The following ADGRG6 variants were observed in gnomAD, a reference collection of about 807,000 sequenced individuals.
ADGRG6 encodes the protein G-protein coupled receptor 126.
In ADGRG6, 84 loss-of-function variants were observed where a neutral mutation model predicts 142.4. The ratio of observed to expected loss-of-function variants is 0.59; its 90% CI spans 0.49 to 0.71. The LOEUF is 0.71. Ranked by LOEUF, ADGRG6 falls within the 30% of genes least tolerant of loss-of-function variation. ADGRG6 has a pLI of 0.00. For missense variants in ADGRG6, 1,367 were observed against 1,466.6 expected (o/e 0.93, Z 1.11); for synonymous variants, 521 against 520.5 (o/e 1.00, Z -0.01).
Position 142,436,333 on chromosome 6 carries a change from A to G in ADGRG6, c.3320-1101A>G, listed in dbSNP as rs145981999. On this transcript the variant is annotated intron_variant, in intron 22 of 24. Transcript: ENST00000367609. ...AGCAAATTAGGAAGAAAACTGGGAG[A>G]AAATGACCTTGAGAATGAAGGGCTG... Among the ~76,000 whole-genome samples the G allele has an allele frequency of 3.9e-3, 594 of 152,286 alleles. 9 individuals are homozygous for G. The highest frequency in any genetic ancestry group is 0.014 in the African/African-American group (579 of 41,562).
intron 2 of ADGRG6, among the ~76,000 whole-genome samples, chr6:142,357,589 C>T (rs1780510496): frequency 6.6e-6 from 1 of 152,114 alleles, no homozygotes; most frequent in Non-Finnish European, 1.5e-5. Context: ...TGTGCACAAA[C>T]CTGAATGAGT....
At position 142,346,788 on chromosome 6, in the gene ADGRG6, C is replaced by A. The variant is rs138783293; in HGVS notation, c.104-20781C>A. On this transcript the variant is annotated intron_variant, in intron 2 of 24. Transcript: ENST00000367609. ...ACTAACACAGGAACAGAAAACCAAA[C>A]ACCACATGCTCTCACTCGTAAGTGG... 7.6e-3 allele frequency among the ~76,000 whole-genome samples: 1,150 copies of A among 151,208 alleles called. 13 individuals carry two copies. The highest frequency in any genetic ancestry group is 0.027 in the African/African-American group (1,096 of 41,112).
At position 142,443,537 on chromosome 6, in the gene ADGRG6, A is replaced by G. The variant is rs1286690628; in HGVS notation, c.*22A>G. 1 of 1,552,188 alleles carries G rather than the reference A, an allele frequency of 6.4e-7. No individual in the cohort carries two copies. ...TTAATGTCTTTAAGAAAAAGAAATC[A>G]ATCTGCAGAAATGTGAAGATTTGCA... is the stretch of plus-strand genomic sequence containing the variant. On this transcript the variant is annotated 3_prime_UTR_variant, in exon 25 of 25. Coordinates refer to ENST00000367609, the MANE Select transcript of ADGRG6 (RefSeq NM_198569.3).
intron 2 of ADGRG6, among the ~76,000 whole-genome samples, chr6:142,361,622 G>C (rs1289049168): frequency 6.6e-6 from 1 of 152,154 alleles, no homozygotes; most frequent in Non-Finnish European, 1.5e-5. Context: ...AATTTTGTAA[G>C]TTCTTATCAA....
chr6:142,440,995 A>C, intron 24 of ADGRG6: 1 of 1,039,504 alleles, frequency 9.6e-7, no homozygotes, highest in Non-Finnish European at 1.4e-6. Flanking sequence ...ATTTTTTGCA[A>C]GGTAATAAGA....
At chr6:142,365,760 A>G (rs888212882) in intron 2 of ADGRG6, among the ~76,000 whole-genome samples, 2 of 152,212 alleles carry the variant, frequency 1.3e-5, no homozygotes, top group African/African-American at 4.8e-5. Context: ...ACATTGAGTA[A>G]TACAAGGTGG....
rs192788432 is a variant in ADGRG6, at chr6:142,388,266, G to A, written c.1223-1992G>A. Among the ~76,000 whole-genome samples the A allele has an allele frequency of 3.7e-3, 564 of 152,236 alleles. 2 individuals are homozygous for A. The highest frequency in any genetic ancestry group is 5.7e-3 in the Non-Finnish European group (388 of 67,968). ...AAGTATAACAAGTGGACTGGGGCAG[G>A]AAACAATGTTTAAAGAAAACATCTT... On this transcript the variant is annotated intron_variant, in intron 6 of 24. Coordinates refer to ENST00000367609, the MANE Select transcript of ADGRG6 (RefSeq NM_198569.3).
In ADGRG6 at chr6:142,402,686, C is replaced by A; in HGVS notation, c.1811C>A (p.Ala604Asp). ...GCTGATGGGCAGAACTTAACCTCAGCCAATATTACCAACATTGTGGAACAG... is the reference window on the plus strand; with the variant it reads ...GCTGATGGGCAGAACTTAACCTCAGACAATATTACCAACATTGTGGAACAG... The part of the protein sequence containing the change: ...LTADGQNLTS[A>D]NITNIVEQVK... The change falls in exon 13 of 25, where the codon GCC becomes GAC. Residue 604 changes from alanine to aspartate, a missense_variant. Around this residue, in one of 3 missense-constraint regions of ADGRG6, gnomAD observed 737 missense variants for 746.5 expected, o/e 0.99. Coordinates refer to ENST00000367609, the MANE Select transcript of ADGRG6 (RefSeq NM_198569.3). 6.2e-7 allele frequency: 1 copy of A among 1,608,752 alleles called. No homozygotes were observed. Among genetic ancestry groups the A allele is most frequent in the Non-Finnish European group, 8.5e-7 (1 of 1,176,172 alleles).
chr6:142,361,218 G>A (rs1780697465), intron 2 of ADGRG6, among the ~76,000 whole-genome samples: 1 of 152,206 alleles, frequency 6.6e-6, no homozygotes, highest in East Asian at 1.9e-4. Flanking sequence ...ATCCTCTTGG[G>A]AGAAGTTGTA....
intron 2 of ADGRG6, among the ~76,000 whole-genome samples, chr6:142,314,971 AGTGTGTGT>A (rs58848776): frequency 5.7e-4 from 83 of 145,084 alleles, no homozygotes; most frequent in Admixed American, 2.0e-3. Context: ...CCAATCATGG[AGTGTGTGT>A]GTGTGTGTGT....
At chr6:142,440,863 T>G (rs1777724756) in intron 24 of ADGRG6, 1 of 958,870 alleles carries the variant, frequency 1.0e-6, no homozygotes, top group South Asian at 1.6e-5. Context: ...TCTAGCTGGT[T>G]CATTTCTTGG....
At position 142,381,944 on chromosome 6, in the gene ADGRG6, G is replaced by C. The variant is rs956534538; in HGVS notation, c.1070-7G>C. Reference sequence around the variant, plus strand: ...CAAACTTACATATTCTTTTTGTGTTGATCAAGGTTCCTACCTGATCCCGCT... The same window carrying C: ...CAAACTTACATATTCTTTTTGTGTTCATCAAGGTTCCTACCTGATCCCGCT... On this transcript the variant is annotated splice_polypyrimidine_tract_variant and splice_region_variant and intron_variant, in intron 4 of 24. Transcript: ENST00000367609. 1.3e-6 allele frequency: 2 copies of C among 1,565,642 alleles called. No individual in the cohort carries two copies. The highest frequency in any genetic ancestry group is 1.7e-5 in the Admixed American group (1 of 57,458).
intron 2 of ADGRG6, among the ~76,000 whole-genome samples, chr6:142,320,754 G>A (rs1778473476): frequency 1.3e-5 from 2 of 151,830 alleles, no homozygotes; most frequent in Non-Finnish European, 2.9e-5. Context: ...AATTAGCTTC[G>A]GTACTTGTAT....
At chr6:142,317,759 A>G (rs1297660298) in intron 2 of ADGRG6, among the ~76,000 whole-genome samples, 2 of 102,592 alleles carry the variant, frequency 1.9e-5, no homozygotes, top group Non-Finnish European at 3.6e-5. Context: ...TATTTATATT[A>G]TATATATTTA....
At chr6:142,318,141 A>T (rs1201630797) in intron 2 of ADGRG6, among the ~76,000 whole-genome samples, 4 of 38,620 alleles carry the variant, frequency 1.0e-4, no homozygotes, top group African/African-American at 3.3e-4. Context: ...ATATTTATAT[A>T]ATATATATTA....
intron 9 of ADGRG6, among the ~76,000 whole-genome samples, chr6:142,395,221 A>C (rs943699502): frequency 6.6e-6 from 1 of 152,100 alleles, no homozygotes; most frequent in African/African-American, 2.4e-5. Flanking sequence ...TTTTTTCTTT[A>C]TGATATGAAA....
rs1775916503 is a variant in ADGRG6, at chr6:142,408,286, A to G, written c.2388+17A>G. The G allele has an allele frequency of 6.5e-7, 1 of 1,542,930 alleles. No homozygotes were observed. Among genetic ancestry groups the G allele is most frequent in the Non-Finnish European group, 8.8e-7 (1 of 1,139,662 alleles). On this transcript the variant is annotated intron_variant, in intron 16 of 24. Transcript: ENST00000367609. Reference sequence around the variant, plus strand: ...AGAACTCAGGTAAGAAAACGCTCCCAATAGCATTTGGACAGAAGTGGACTA... The same window carrying G: ...AGAACTCAGGTAAGAAAACGCTCCCGATAGCATTTGGACAGAAGTGGACTA...
chr6:142,413,029 T>TTTTA (rs1554252804), intron 18 of ADGRG6, among the ~76,000 whole-genome samples: 2 of 150,100 alleles, frequency 1.3e-5, no homozygotes, highest in African/African-American at 4.9e-5. Flanking sequence ...GAATGGTTAA[T>TTTTA]TATATATATA....
intron 22 of ADGRG6, among the ~76,000 whole-genome samples, chr6:142,421,272 A>C (rs892830671): frequency 6.6e-6 from 1 of 152,166 alleles, no homozygotes; most frequent in Non-Finnish European, 1.5e-5. Context: ...GGGATGGCCT[A>C]TTCCAATCTG....
Sources: allele counts gnomAD v4.1 joint callset (sites outside exome capture counted in the v4.1 genomes callset), GRCh38; gene constraint gnomAD v4.1.1; regional missense constraint gnomAD v4.1.1; transcripts MANE v1.5; gene names NCBI Gene and HGNC (gene_info 2026-07-23, HGNC 2026-07-21).